Variants in OOEP observed in about 807,000 individuals in gnomAD.
The protein encoded by OOEP is oocyte expressed protein.
In OOEP, 16 loss-of-function variants were observed where a neutral mutation model predicts 13.7. The ratio of observed to expected loss-of-function variants is 1.16; its 90% CI spans 0.79 to 1.77. The LOEUF is 1.77. OOEP is among the 40% of genes most tolerant of loss of function. The pLI, the probability that OOEP is intolerant of heterozygous loss-of-function variation, is 0.00. For synonymous variants in OOEP, 89 were observed against 77.1 expected (o/e 1.15, Z -0.81); for missense variants, 195 against 193.1 (o/e 1.01, Z -0.06).
upstream of OOEP, chr6:73,395,136 C>G: frequency 1.2e-6 from 2 of 1,613,462 alleles, no homozygotes; most frequent in Non-Finnish European, 1.7e-6. Context: ...TGAAGAGCCA[C>G]TTTGTTGGCG....
intron 2 of OOEP, among the ~76,000 whole-genome samples, chr6:73,386,383 C>T (rs1222544552): frequency 1.3e-5 from 2 of 151,798 alleles, no homozygotes; most frequent in Admixed American, 1.3e-4. Flanking sequence ...CATGAGCCCC[C>T]AGACCGGGCC....
intron 2 of OOEP, among the ~76,000 whole-genome samples, chr6:73,384,129 A>G (rs1338761948): frequency 6.6e-6 from 1 of 152,142 alleles, no homozygotes; most frequent in Non-Finnish European, 1.5e-5. Context: ...TAAAAAATGA[A>G]TGAATGGAGG....
intron 2 of OOEP, chr6:73,391,675 T>TA (rs1401079189): frequency 6.5e-6 from 1 of 153,676 alleles, no homozygotes; most frequent in Non-Finnish European, 1.5e-5. Flanking sequence ...TCTGTGACTA[T>TA]AGCTTCTCAG....
chr6:73,393,337 C>T (rs928047421), intron 2 of OOEP, among the ~76,000 whole-genome samples: 7 of 152,172 alleles, frequency 4.6e-5, no homozygotes, highest in Middle Eastern at 3.4e-3. Flanking sequence ...AGAGATCCTC[C>T]GCCTAGGCCT....
At chr6:73,373,647 A>T (rs550931682), upstream of OOEP, among the ~76,000 whole-genome samples, 2 of 152,124 alleles carry the variant, frequency 1.3e-5, no homozygotes, top group Admixed American at 1.3e-4. Context: ...CTGGAGTGCA[A>T]TGGCGAATCT....
chr6:73,388,985 G>A (rs982558548), intron 2 of OOEP, among the ~76,000 whole-genome samples: 1 of 152,104 alleles, frequency 6.6e-6, no homozygotes, highest in Admixed American at 6.6e-5. Context: ...ACCCACATTG[G>A]GGGTACTCGC....
chr6:73,394,737 AATC>A lies in OOEP; in HGVS notation c.-140_-138del. On this transcript the variant is annotated 5_prime_UTR_variant, in exon 1 of 4. Coordinates refer to the OOEP transcript ENST00000370363. ...CGCTCACTGGCCAATGGCTGCGTGA[AATC>A]AGTGCGAAGTGGGCGGGATAGAGAG... is the stretch of plus-strand genomic sequence containing the variant. The A allele has an allele frequency of 3.1e-6, 3 of 953,476 alleles. No individual in the cohort carries two copies. In the South Asian group the frequency reaches 5.2e-5, roughly 16 times the overall value. 59.1% of individuals were successfully genotyped at this position (953,476 alleles called of 1,614,324 possible).
upstream of OOEP, chr6:73,369,922 C>A (rs531101447): frequency 1.0e-4 from 83 of 796,174 alleles, no homozygotes; most frequent in African/African-American, 1.3e-3. Context: ...CGCCTCGCAC[C>A]GCGTCGGGGT....
At chr6:73,385,291 A>G (rs1769256976) in intron 2 of OOEP, among the ~76,000 whole-genome samples, 1 of 151,778 alleles carries the variant, frequency 6.6e-6, no homozygotes, top group South Asian at 2.1e-4. Flanking sequence ...GCTTGCAGTG[A>G]GCCAAGATTG....
chr6:73,381,205 TAAAAAAAA>T (rs66507015), intron 2 of OOEP, among the ~76,000 whole-genome samples: 2 of 101,000 alleles, frequency 2.0e-5, no homozygotes, highest in Non-Finnish European at 3.8e-5. Context: ...AAAAAAGTGT[TAAAAAAAA>T]AAAAAAAAAA....
exon 1 of OOEP, chr6:73,394,892 C>G (rs777431855): frequency 6.2e-7 from 1 of 1,613,428 alleles, no homozygotes; most frequent in South Asian, 1.1e-5. Flanking sequence ...TCGGACGCGC[C>G]CCTTCTTGGA....
At chr6:73,379,299 T>C (rs1042956393) in intron 2 of OOEP, among the ~76,000 whole-genome samples, 1 of 150,872 alleles carries the variant, frequency 6.6e-6, no homozygotes, top group Non-Finnish European at 1.5e-5. Flanking sequence ...GCTAGGATTA[T>C]AGGTGTGAGC....
chr6:73,384,857 C>G (rs1769248263), intron 2 of OOEP, among the ~76,000 whole-genome samples: 1 of 151,972 alleles, frequency 6.6e-6, no homozygotes, highest in Non-Finnish European at 1.5e-5. Context: ...CTGTCTCAAC[C>G]TCCTGAGTAG....
intron 2 of OOEP, among the ~76,000 whole-genome samples, chr6:73,387,380 G>A (rs1769287858): frequency 6.6e-6 from 1 of 151,896 alleles, no homozygotes; most frequent in South Asian, 2.1e-4. Flanking sequence ...CGGGTGTGGT[G>A]GCAGGTGCCT....
chr6:73,370,947 AT>A (rs765929500), upstream of OOEP, among the ~76,000 whole-genome samples: 12 of 151,644 alleles, frequency 7.9e-5, no homozygotes, highest in Non-Finnish European at 1.6e-4. Flanking sequence ...ACACCCAGCT[AT>A]TTTCCAGCTC....
chr6:73,387,445 C>T (rs1052259641), intron 2 of OOEP, among the ~76,000 whole-genome samples: 1 of 151,838 alleles, frequency 6.6e-6, no homozygotes, highest in African/African-American at 2.4e-5. Context: ...ACATGGGAGG[C>T]GGAGGTTGCA....
intron 2 of OOEP, among the ~76,000 whole-genome samples, chr6:73,385,129 T>A (rs937024313): frequency 2.6e-5 from 4 of 151,432 alleles, no homozygotes; most frequent in Admixed American, 1.3e-4. Flanking sequence ...GGCAGATCAC[T>A]AGGTCAGGAG....
chr6:73,387,924 A>G (rs1449672700), intron 2 of OOEP, among the ~76,000 whole-genome samples: 2 of 152,352 alleles, frequency 1.3e-5, no homozygotes, highest in Admixed American at 1.3e-4. Flanking sequence ...GCTGGAGTGC[A>G]GTAGCGCAAT....
intron 2 of OOEP, among the ~76,000 whole-genome samples, chr6:73,389,240 A>G (rs1413123928): frequency 1.3e-5 from 2 of 152,078 alleles, no homozygotes; most frequent in Admixed American, 1.3e-4. Context: ...GGCACCGAGG[A>G]CCTGGGGCGA....
Sources: allele counts gnomAD v4.1 joint callset (sites outside exome capture counted in the v4.1 genomes callset), GRCh38; gene constraint gnomAD v4.1.1; transcripts MANE v1.5; gene names NCBI Gene and HGNC (gene_info 2026-07-23, HGNC 2026-07-21).